Variants in ZNF654 observed in about 807,000 individuals in gnomAD.
ZNF654 encodes zinc finger protein 654.
A neutral mutation model predicts 95.3 loss-of-function variants in ZNF654; 19 were observed. The observed-to-expected ratio is 0.20, with a 90% CI of 0.14 to 0.29. ZNF654 has a LOEUF of 0.29. ZNF654 is among the 10% of genes least tolerant of loss of function. The pLI is 1.00. For missense variants in ZNF654, 1,046 were observed against 1,341.0 expected (o/e 0.78, Z 3.44); for synonymous variants, 413 against 457.9 (o/e 0.90, Z 1.25).
At chr3:88,141,292 T>C (rs1216841056) in intron 8 of ZNF654, among the ~76,000 whole-genome samples, 1 of 152,032 alleles carries the variant, frequency 6.6e-6, no homozygotes, top group Non-Finnish European at 1.5e-5. Context: ...TATGAACTTG[T>C]GCAAGGCAGA....
At chr3:88,120,774 T>C (rs1273071968) in intron 3 of ZNF654, among the ~76,000 whole-genome samples, 2 of 149,734 alleles carry the variant, frequency 1.3e-5, no homozygotes, top group Non-Finnish European at 3.0e-5. Flanking sequence ...GAAACTAAAA[T>C]AATGTTTTAA....
chr3:88,111,255 A>G (rs189627704), intron 2 of ZNF654, among the ~76,000 whole-genome samples: 1 of 152,174 alleles, frequency 6.6e-6, no homozygotes. Flanking sequence ...GAAAAATTAC[A>G]AAACGATTAA....
chr3:88,138,970 G>A lies in ZNF654; in HGVS notation c.1301G>A (p.Arg434His). 1 of 1,245,966 alleles carries A rather than the reference G, an allele frequency of 8.0e-7. No individual in the cohort carries two copies. Among genetic ancestry groups the A allele is most frequent in the Non-Finnish European group, 1.0e-6 (1 of 997,362 alleles). 77.2% of individuals were successfully genotyped at this position (1,245,966 alleles called of 1,614,324 possible). A position where few individuals can be genotyped will look rare whatever the true frequency, so the allele number is the denominator to read the frequency against. The change falls in exon 8 of 9, where the codon CGT (arginine) becomes CAT (histidine). Residue 434 changes from arginine (R) to histidine (H), a missense_variant. Physicochemically the swap from Arg to His is conservative, Grantham distance 29. Around this residue, in one of 9 missense-constraint regions of ZNF654, gnomAD observed 78 missense variants for 154.2 expected, o/e 0.51. Coordinates refer to ENST00000636215, the MANE Select transcript of ZNF654 (RefSeq NM_001350134.2). ...ACAAGTAGTGTTCAAAATCGTGTTC[G>A]TTTTGAATTGCTTCCAATTTTGAAA... ...EGTSSVQNRV[R>H]FELLPILKKG...
intron 2 of ZNF654, among the ~76,000 whole-genome samples, chr3:88,088,580 TC>T (rs959255520): frequency 3.3e-5 from 5 of 152,106 alleles, no homozygotes; most frequent in Admixed American, 2.0e-4. Context: ...GAAGAAGAAA[TC>T]CAGAATGTAA....
chr3:88,067,815 T>G (rs1275288091), intron 1 of ZNF654, among the ~76,000 whole-genome samples: 1 of 151,854 alleles, frequency 6.6e-6, no homozygotes, highest in African/African-American at 2.4e-5. Context: ...ACAAATAACC[T>G]ATAAAGGAGA....
intron 1 of ZNF654, among the ~76,000 whole-genome samples, chr3:88,070,710 C>T (rs1707463436): frequency 6.6e-6 from 1 of 151,148 alleles, no homozygotes; most frequent in Admixed American, 6.6e-5. Context: ...CTTTTTGGCC[C>T]CTTAAGAAAA....
chr3:88,090,390 C>A (rs568642798), intron 2 of ZNF654, among the ~76,000 whole-genome samples: 161 of 150,786 alleles, frequency 1.1e-3, no homozygotes, highest in African/African-American at 3.8e-3. Flanking sequence ...ATGTAAAATA[C>A]AAAAATGAAA....
At chr3:88,124,820 A>T (rs1332229434) in intron 3 of ZNF654, among the ~76,000 whole-genome samples, 1 of 151,720 alleles carries the variant, frequency 6.6e-6, no homozygotes, top group Non-Finnish European at 1.5e-5. Flanking sequence ...TTTTTTCTTA[A>T]CGCTTTAAGC....
intron 2 of ZNF654, among the ~76,000 whole-genome samples, chr3:88,104,538 T>G (rs1348686006): frequency 1.3e-5 from 2 of 152,214 alleles, no homozygotes. Context: ...AAAATTGTAG[T>G]GAAATATTAT....
Position 88,140,785 on chromosome 3 carries a change from A to G in ZNF654, c.3116A>G (p.Tyr1039Cys). Residue 1039 changes from tyrosine (Y) to cysteine (C), a missense_variant, in exon 8 of 9, where the codon TAT becomes TGT. Physicochemically the swap from Tyr to Cys is radical, Grantham distance 194. Coordinates refer to ENST00000636215, the MANE Select transcript of ZNF654 (RefSeq NM_001350134.2). ...KPNLTSEHTSYGLILTKPYVR... is the reference protein window; with the variant it reads ...KPNLTSEHTSCGLILTKPYVR... Reference sequence around the variant, plus strand: ...AATCTGACAAGTGAACATACTTCATATGGCTTAATTTTAACAAAACCATAC... The same window carrying G: ...AATCTGACAAGTGAACATACTTCATGTGGCTTAATTTTAACAAAACCATAC... 6.2e-7 allele frequency: 1 copy of G among 1,613,790 alleles called. No homozygotes were observed. The highest frequency in any genetic ancestry group is 1.1e-5 in the South Asian group (1 of 91,078).
chr3:88,126,274 T>C lies in ZNF654; in HGVS notation c.550+5T>C. 1.4e-6 allele frequency: 2 copies of C among 1,476,546 alleles called. No homozygotes were observed. The highest frequency in any genetic ancestry group is 1.8e-6 in the Non-Finnish European group (2 of 1,116,888). 91.5% of individuals were successfully genotyped at this position (1,476,546 alleles called of 1,614,324 possible). ...AGCCAGCATCTCAGGAGATAGGTAC[T>C]TCAGGAGATTCAAAATCAAACCAAC... is the stretch of plus-strand genomic sequence containing the variant. On this transcript the variant is annotated splice_donor_5th_base_variant and intron_variant, in intron 4 of 8. Transcript: ENST00000636215.
chr3:88,141,191 AATAC>A (rs1707107250), intron 8 of ZNF654, 143 bp downstream of exon 8: 2 of 921,170 alleles, frequency 2.2e-6, no homozygotes, highest in African/African-American at 1.7e-5. Flanking sequence ...TATTTCCTTT[AATAC>A]ATACAACCAC....
chr3:88,099,735 A>G (rs1306178716), intron 2 of ZNF654, among the ~76,000 whole-genome samples: 1 of 152,188 alleles, frequency 6.6e-6, no homozygotes, highest in Non-Finnish European at 1.5e-5. Flanking sequence ...AGGATTCCCT[A>G]TTTAATAAAT....
intron 6 of ZNF654, among the ~76,000 whole-genome samples, chr3:88,130,670 G>A (rs184640070): frequency 6.3e-4 from 93 of 148,760 alleles, no homozygotes; most frequent in Non-Finnish European, 1.1e-3. Context: ...TGCCCAGGCC[G>A]GTTTGGAACT....
chr3:88,109,498 TTAAG>T (rs1181938652), intron 2 of ZNF654, among the ~76,000 whole-genome samples: 4 of 152,148 alleles, frequency 2.6e-5, no homozygotes, highest in Non-Finnish European at 4.4e-5. Context: ...ATTTGGACAA[TTAAG>T]TATCATATTT....
intron 1 of ZNF654, 113 bp downstream of exon 1, chr3:88,059,618 C>G: frequency 7.2e-7 from 1 of 1,382,068 alleles, no homozygotes; most frequent in Non-Finnish European, 9.4e-7. Context: ...TCCTCCCCAA[C>G]AAGGAGGGTG....
At chr3:88,113,361 C>A (rs1168980480) in intron 3 of ZNF654, among the ~76,000 whole-genome samples, 165 bp downstream of exon 3, 2 of 152,018 alleles carry the variant, frequency 1.3e-5, no homozygotes, top group African/African-American at 4.8e-5. Context: ...AAAATTCATA[C>A]AATTAATTTT....
chr3:88,076,835 A>G (rs1350818617), intron 1 of ZNF654, among the ~76,000 whole-genome samples: 1 of 152,214 alleles, frequency 6.6e-6, no homozygotes, highest in Non-Finnish European at 1.5e-5. Flanking sequence ...ATGACCTGCT[A>G]TTCATAAGAG....
At chr3:88,075,913 C>G (rs187702874) in intron 1 of ZNF654, among the ~76,000 whole-genome samples, 42 of 152,252 alleles carry the variant, frequency 2.8e-4, no homozygotes, top group African/African-American at 9.4e-4. Context: ...AAAAATCTTA[C>G]CAGCACAACA....
Sources: gnomAD v4.1 joint callset for allele counts (sites outside exome capture counted in the v4.1 genomes callset) on GRCh38, gnomAD v4.1.1 for gene constraint, gnomAD v4.1.1 regional missense constraint, MANE v1.5 for transcripts, NCBI Gene and HGNC (gene_info 2026-07-23, HGNC 2026-07-21) for gene names.